The following OPHN1 variants were observed in gnomAD, a reference collection of about 807,000 sequenced individuals.
The protein encoded by OPHN1 is oligophrenin 1, also known as oligophrenin-1.
OPHN1 carries 11 observed loss-of-function variants against 60.7 expected under a neutral mutation model. The observed-to-expected ratio is 0.18, with a 90% confidence interval of 0.11 to 0.30. OPHN1 has a LOEUF of 0.30. Ranked by LOEUF, OPHN1 falls within the 10% of genes least tolerant of loss-of-function variation. The probability of loss-of-function intolerance (pLI) is 1.00; values close to 1 mark genes in which losing one functional copy is unlikely to be tolerated. For missense variants in OPHN1, 449 were observed against 611.0 expected (o/e 0.73, Z 2.80); for synonymous variants, 226 against 222.6 (o/e 1.02, Z -0.14).
In OPHN1 at chrX:68,043,452, G is replaced by T. The variant is rs894569976; in HGVS notation, c.*3720C>A. 1.2e-4 allele frequency: 13 copies of T among 109,994 alleles called. No individual in the cohort carries two copies. The highest frequency in any genetic ancestry group is 2.5e-4 in the Non-Finnish European group (13 of 52,736). The allele number at this position is 109,994 out of a possible 1,213,427, so 9.1% of individuals were successfully genotyped here. ...TTATTATTTCTGATGTTTTTTTCCA[G>T]GCTTGTAATGTGTCAAGGCCACTTA... On this transcript the variant is annotated 3_prime_UTR_variant, in exon 25 of 25. Transcript: ENST00000355520.
chrX:68,137,709 T>G (rs937148648), intron 15 of OPHN1, among the ~76,000 whole-genome samples: 1 of 111,853 alleles, frequency 8.9e-6, no homozygotes, highest in East Asian at 2.8e-4. Context: ...ATTAGAAAAC[T>G]TTAAAAATCG....
At chrX:68,187,834 A>C (rs528283843) in intron 15 of OPHN1, among the ~76,000 whole-genome samples, 1 of 111,609 alleles carries the variant, frequency 9.0e-6, no homozygotes, top group Non-Finnish European at 1.9e-5. Context: ...TCACCATGTT[A>C]GCCAGGATGG....
intron 22 of OPHN1, among the ~76,000 whole-genome samples, chrX:68,053,052 C>T (rs975934268): frequency 2.7e-5 from 3 of 111,552 alleles, no homozygotes; most frequent in African/African-American, 6.5e-5. Context: ...GACAGGCAAG[C>T]GCGTTGTGGC....
intron 5 of OPHN1, among the ~76,000 whole-genome samples, chrX:68,251,829 G>T (rs2077836866): frequency 9.0e-6 from 1 of 111,352 alleles, no homozygotes; most frequent in Non-Finnish European, 1.9e-5. Context: ...ACTTCCTACT[G>T]CCACTACTTT....
chrX:68,156,001 T>C (rs73526533), intron 15 of OPHN1, among the ~76,000 whole-genome samples: 6,202 of 111,297 alleles, frequency 0.056, 442 homozygotes, highest in African/African-American at 0.19. Context: ...ATGTCTAAAA[T>C]AGCAATGGCA....
chrX:68,070,840 A>G, intron 20 of OPHN1: 1 of 1,175,396 alleles, frequency 8.5e-7, no homozygotes, highest in Non-Finnish European at 1.2e-6. Flanking sequence ...GTCCAAGCCC[A>G]TTCAGCCAGC....
chrX:68,083,123 A>C (rs2076981285), intron 19 of OPHN1, among the ~76,000 whole-genome samples: 1 of 75,951 alleles, frequency 1.3e-5, no homozygotes, highest in Non-Finnish European at 2.3e-5. Context: ...CGGACTGCGG[A>C]CTGCAGTGGC....
Position 68,401,594 on chromosome X carries a change from G to A in OPHN1, c.154+31273C>T, listed in dbSNP as rs185692549. 4.8e-3 allele frequency among the ~76,000 whole-genome samples: 543 copies of A among 112,229 alleles called. 4 individuals are homozygous for A. The highest frequency in any genetic ancestry group is 0.016 in the African/African-American group (510 of 30,945). ...GAGCATCCAATGTAGTAGTGAAGAT[G>A]AGTGCATAATACCAAGCATTATACA... On this transcript the variant is annotated intron_variant, in intron 2 of 24. Coordinates refer to ENST00000355520, the MANE Select transcript of OPHN1 (RefSeq NM_002547.3).
At chrX:68,418,502 T>A (rs2078810316) in intron 2 of OPHN1, among the ~76,000 whole-genome samples, 1 of 110,945 alleles carries the variant, frequency 9.0e-6, no homozygotes, top group Non-Finnish European at 1.9e-5. Context: ...GTAACTACAA[T>A]GGCAAGACAC....
At chrX:68,349,748 T>A (rs1405502366) in intron 2 of OPHN1, among the ~76,000 whole-genome samples, 1 of 111,735 alleles carries the variant, frequency 8.9e-6, no homozygotes, top group African/African-American at 3.3e-5. Flanking sequence ...GATGAGTTCA[T>A]GTCCTTTGCA....
intron 15 of OPHN1, among the ~76,000 whole-genome samples, chrX:68,135,041 GT>G (rs1191660291): frequency 9.0e-6 from 1 of 111,166 alleles, no homozygotes; most frequent in Non-Finnish European, 1.9e-5. Flanking sequence ...ATATAGAATA[GT>G]TTTTTTAATC....
intron 15 of OPHN1, among the ~76,000 whole-genome samples, chrX:68,149,877 A>T (rs1304920510): frequency 1.8e-5 from 2 of 111,839 alleles, no homozygotes; most frequent in Non-Finnish European, 1.9e-5. Flanking sequence ...TATTCACAAG[A>T]ACTAAAAGGC....
intron 15 of OPHN1, among the ~76,000 whole-genome samples, chrX:68,170,337 C>G (rs2077383632): frequency 9.5e-6 from 1 of 105,795 alleles, no homozygotes; most frequent in Non-Finnish European, 1.9e-5. Flanking sequence ...GTTGGTGGGA[C>G]TGTAAACTAG....
intron 15 of OPHN1, among the ~76,000 whole-genome samples, chrX:68,182,684 G>A (rs1289919819): frequency 1.8e-5 from 2 of 111,799 alleles, no homozygotes; most frequent in Non-Finnish European, 3.8e-5. Context: ...GCCAAGATGG[G>A]CGGATCACTT....
intron 2 of OPHN1, among the ~76,000 whole-genome samples, chrX:68,301,684 C>G (rs910325686): frequency 5.4e-5 from 6 of 111,462 alleles, no homozygotes; most frequent in Admixed American, 9.6e-5. Flanking sequence ...CTACATCACT[C>G]CAAACAATGT....
intron 2 of OPHN1, among the ~76,000 whole-genome samples, chrX:68,325,600 G>A (rs913765372): frequency 5.1e-5 from 3 of 58,581 alleles, no homozygotes; most frequent in Middle Eastern, 6.3e-3. Flanking sequence ...AAAGACCACA[G>A]TCTCCCTCTC....
intron 5 of OPHN1, among the ~76,000 whole-genome samples, chrX:68,256,463 C>A (rs1398863388): frequency 9.0e-6 from 1 of 111,706 alleles, no homozygotes. Flanking sequence ...TTACTATCTG[C>A]CTAAGTGATT....
At chrX:68,350,897 G>A (rs971440119) in intron 2 of OPHN1, among the ~76,000 whole-genome samples, 3 of 110,551 alleles carry the variant, frequency 2.7e-5, no homozygotes, top group African/African-American at 9.9e-5. Context: ...ACCACACAGG[G>A]TCTTTTAGTG....
At chrX:68,268,571 G>C (rs763911903) in intron 5 of OPHN1, among the ~76,000 whole-genome samples, 1 of 111,560 alleles carries the variant, frequency 9.0e-6, no homozygotes, top group South Asian at 3.8e-4. Context: ...CAATAAATTA[G>C]GCATTGATGG....
Sources: allele counts gnomAD v4.1 joint callset (sites outside exome capture counted in the v4.1 genomes callset), GRCh38; gene constraint gnomAD v4.1.1; transcripts MANE v1.5; gene names NCBI Gene and HGNC (gene_info 2026-07-23, HGNC 2026-07-21).